Variants in GAK observed in about 807,000 individuals in gnomAD.
The protein encoded by GAK is cyclin-G-associated kinase.
Under a neutral mutation model 143.9 loss-of-function variants are expected in GAK, and 79 were observed. The ratio of observed to expected loss-of-function variants is 0.55; its 90% confidence interval spans 0.46 to 0.66. The LOEUF (loss-of-function observed/expected upper bound fraction) is 0.66. GAK is among the 30% of genes least tolerant of loss of function. The pLI is 0.00. For synonymous variants in GAK, 881 were observed against 765.5 expected (o/e 1.15, Z -2.49); for missense variants, 1,693 against 1,779.7 (o/e 0.95, Z 0.88).
intron 23 of GAK, among the ~76,000 whole-genome samples, chr4:864,544 C>G (rs11248051): frequency 6.6e-6 from 1 of 152,158 alleles, no homozygotes; most frequent in Admixed American, 6.5e-5. Context: ...CGCTACCAGA[C>G]GCCGCGGGAG....
intron 18 of GAK, among the ~76,000 whole-genome samples, chr4:876,180 C>T (rs376378824): frequency 2.0e-5 from 3 of 152,200 alleles, no homozygotes; most frequent in East Asian, 1.9e-4. Context: ...AGGACTGCCC[C>T]GCATCATCTC....
At chr4:902,714 C>T (rs553882777) in intron 5 of GAK, among the ~76,000 whole-genome samples, 6 of 151,654 alleles carry the variant, frequency 4.0e-5, no homozygotes, top group Admixed American at 2.0e-4. Flanking sequence ...AGCCTCACAA[C>T]GTCCTAGGTT....
intron 18 of GAK, chr4:872,324 G>A (rs2152771713): frequency 6.6e-6 from 1 of 152,334 alleles, no homozygotes; most frequent in Non-Finnish European, 1.5e-5. Context: ...AGGTGGCCAC[G>A]GCCGAAGCCG....
intron 18 of GAK, among the ~76,000 whole-genome samples, chr4:873,199 C>T (rs1251610121): frequency 6.6e-6 from 1 of 152,230 alleles, no homozygotes. Flanking sequence ...CCTCTAAACC[C>T]TGCTTCAGAT....
chr4:908,537 C>T (rs1165702714), intron 4 of GAK, among the ~76,000 whole-genome samples: 1 of 152,206 alleles, frequency 6.6e-6, no homozygotes, highest in Non-Finnish European at 1.5e-5. Flanking sequence ...GGGGCCAACA[C>T]CTGTAATCCC....
rs757578437 is a variant in GAK, at chr4:883,424, T to C, written c.1295A>G (p.Lys432Arg). ...CAACCGCACATCTTCGATGTTGTTT[T>C]TGAGCGCTGACTCCACACCTTCTGC... ...FPAEGVESAL[K>R]NNIEDVRLFL... The change falls in exon 13 of 28, where the codon AAA (lysine) becomes AGA (arginine). Residue 432 changes from lysine to arginine, a missense_variant. By Grantham distance (26) the Lys-to-Arg change is conservative. This residue lies in a region of GAK where 871 missense variants were observed against 991.0 expected (regional missense o/e 0.88). Transcript: ENST00000314167. The C allele has an allele frequency of 1.2e-6, 2 of 1,613,768 alleles. No homozygotes were observed. The highest frequency in any genetic ancestry group is 2.7e-5 in the African/African-American group (2 of 75,066).
At chr4:929,950 G>T (rs577784603) in intron 1 of GAK, among the ~76,000 whole-genome samples, 1 of 152,128 alleles carries the variant, frequency 6.6e-6, no homozygotes, top group Admixed American at 6.5e-5. Flanking sequence ...TTTAATTACA[G>T]AAATATTAAT....
intron 9 of GAK, among the ~76,000 whole-genome samples, chr4:892,946 C>G (rs1484669248): frequency 6.6e-6 from 1 of 152,148 alleles, no homozygotes; most frequent in African/African-American, 2.4e-5. Flanking sequence ...TGACCCTGCT[C>G]CTGCAGGAGC....
At chr4:882,986 A>C (rs1039308922) in intron 13 of GAK, among the ~76,000 whole-genome samples, 167 bp from the exon 14 acceptor site, 2 of 152,240 alleles carry the variant, frequency 1.3e-5, no homozygotes, top group African/African-American at 4.8e-5. Context: ...CTGGCCTTGC[A>C]GACAGAGCTC....
At chr4:854,855 C>T (rs1748853511) in intron 24 of GAK, among the ~76,000 whole-genome samples, 3 of 152,166 alleles carry the variant, frequency 2.0e-5, no homozygotes, top group African/African-American at 7.2e-5. Flanking sequence ...ACCATCCTGA[C>T]TAACACGGTG....
At chr4:865,008 CCCTT>C in intron 23 of GAK, 110 bp downstream of exon 23, 2 of 1,392,924 alleles carry the variant, frequency 1.4e-6, no homozygotes, top group Non-Finnish European at 1.9e-6. Context: ...CACGCCCCAG[CCCTT>C]CCTTCCTTCT....
intron 6 of GAK, among the ~76,000 whole-genome samples, chr4:897,031 C>T (rs939501831): frequency 7.9e-5 from 12 of 152,236 alleles, no homozygotes; most frequent in Non-Finnish European, 7.3e-5. Context: ...CTCACAAACA[C>T]ACGGAGGCAC....
chr4:887,546 C>G (rs1359120248), intron 11 of GAK: 1 of 151,402 alleles, frequency 6.6e-6, no homozygotes, highest in Non-Finnish European at 1.5e-5. Context: ...TACACATGCA[C>G]GCAGCTCACG....
chr4:883,229 C>T, intron 13 of GAK, 86 bp downstream of exon 13: 2 of 1,517,754 alleles, frequency 1.3e-6, no homozygotes, highest in East Asian at 2.3e-5. Context: ...ACAGCCCCAC[C>T]CTGGCCAAAG....
chr4:912,827 A>G lies in GAK; in HGVS notation c.208-33T>C, dbSNP rs1229656039. Reference sequence around the variant, plus strand: ...AGGAAACAGCACACACAAAAGATGAAAGCAAGTTTACCTTCCTACTCCACC... The same window carrying G: ...AGGAAACAGCACACACAAAAGATGAGAGCAAGTTTACCTTCCTACTCCACC... On this transcript the variant is annotated intron_variant, in intron 2 of 27. Transcript: ENST00000314167. 1.9e-6 allele frequency: 3 copies of G among 1,597,634 alleles called. No homozygotes were observed. The South Asian group carries it at 3.3e-5, about 18-fold the overall frequency.
chr4:921,537 G>A (rs1270981536), intron 1 of GAK, among the ~76,000 whole-genome samples: 1 of 152,182 alleles, frequency 6.6e-6, no homozygotes, highest in Non-Finnish European at 1.5e-5. Flanking sequence ...AACTGTGAAG[G>A]TTTAAAACTT....
chr4:876,709 A>G, intron 17 of GAK, 100 bp from the exon 18 acceptor site: 4 of 1,040,676 alleles, frequency 3.8e-6, no homozygotes, highest in Non-Finnish European at 6.0e-6. Flanking sequence ...AGAGCGGCTC[A>G]TGGTGCTGGA....
chr4:882,881 T>C lies in GAK; in HGVS notation c.1405-62A>G, dbSNP rs756259705. The C allele has an allele frequency of 3.0e-5, 47 of 1,582,014 alleles. No individual in the cohort carries two copies. In the African/African-American group the frequency reaches 5.6e-4, roughly 19 times the overall value. ...GAGCCCCGCCCCAGCCTTGGTCAGC[T>C]AGGAGGGACAGCCTGCCTGCAGTGC... On this transcript the variant is annotated intron_variant, in intron 13 of 27. Transcript: ENST00000314167.
intron 15 of GAK, among the ~76,000 whole-genome samples, chr4:881,366 C>A (rs917961878): frequency 2.0e-5 from 3 of 152,176 alleles, no homozygotes; most frequent in Non-Finnish European, 4.4e-5. Flanking sequence ...GTGGACTCCT[C>A]GGGCGTGGAC....
Sources: gnomAD v4.1 joint callset for allele counts (sites outside exome capture counted in the v4.1 genomes callset) on GRCh38, gnomAD v4.1.1 for gene constraint, gnomAD v4.1.1 regional missense constraint, MANE v1.5 for transcripts, NCBI Gene and HGNC (gene_info 2026-07-23, HGNC 2026-07-21) for gene names.